The following DNAAF8 variants were observed in gnomAD, a reference collection of about 807,000 sequenced individuals.
DNAAF8 encodes the protein dynein axonemal-associated protein 1.
In DNAAF8, 61 loss-of-function variants were observed where a neutral mutation model predicts 54.6. The observed-to-expected ratio is 1.12, with a 90% confidence interval of 0.91 to 1.38. The LOEUF is 1.38. DNAAF8 is among the 40% of genes most tolerant of loss of function. DNAAF8 has a pLI of 0.00. For synonymous variants in DNAAF8, 320 were observed against 270.1 expected (o/e 1.18, Z -1.81); for missense variants, 837 against 665.0 (o/e 1.26, Z -2.85).
At chr16:4,735,268 T>TTCC (rs1219079490) in intron 1 of DNAAF8, 1 of 152,204 alleles carries the variant, frequency 6.6e-6, no homozygotes, top group African/African-American at 2.4e-5. Context: ...AGAAATACTG[T>TTCC]GCCCTGAATT....
In DNAAF8 at chr16:4,746,941, C is replaced by G. The variant is rs139697621; in HGVS notation, c.1196C>G (p.Ser399Cys). Reference protein sequence around the residue: ...HLSPESSSHSSSDSEEEEEEE... With the variant: ...HLSPESSSHSCSDSEEEEEEE... ...TCTCCCTGCAGCTCCAGCCACAGCT[C>G]CTCTGACAGTGAGGAGGAGGAGGAG... Residue 399 changes from serine to cysteine, a missense_variant, in exon 8 of 10, where the codon TCC becomes TGC. Coordinates refer to ENST00000299320, the MANE Select transcript of DNAAF8 (RefSeq NM_139170.3). The G allele has an allele frequency of 1.4e-5, 22 of 1,561,868 alleles. No homozygotes were observed. The highest frequency in any genetic ancestry group is 1.9e-5 in the Non-Finnish European group (22 of 1,157,216).
chr16:4,746,670 G>C (rs551371243), intron 7 of DNAAF8, 158 bp downstream of exon 7: 4 of 1,081,452 alleles, frequency 3.7e-6, no homozygotes, highest in Non-Finnish European at 5.2e-6. Context: ...GTCCCCCTGG[G>C]TCCCTGCAGG....
intron 3 of DNAAF8, 125 bp downstream of exon 3, chr16:4,738,071 T>G: frequency 1.6e-6 from 2 of 1,235,328 alleles, no homozygotes; most frequent in South Asian, 1.6e-5. Flanking sequence ...TTTTCCCCCA[T>G]GTACAACCCA....
Position 4,744,453 on chromosome 16 carries a change from G to A in DNAAF8, c.902-417G>A, listed in dbSNP as rs116592605. 3.3e-3 allele frequency among the ~76,000 whole-genome samples: 503 copies of A among 152,120 alleles called. 2 individuals are homozygous for A. Among genetic ancestry groups the A allele is most frequent in the African/African-American group, 0.012 (481 of 41,494 alleles). ...ACTGCGGCTCGATGAGGGGATCTCC[G>A]TAGGTTAACGTGGAAGCATGTAATA... On this transcript the variant is annotated intron_variant, in intron 5 of 9. Coordinates refer to ENST00000299320, the MANE Select transcript of DNAAF8 (RefSeq NM_139170.3).
chr16:4,740,366 C>A lies in DNAAF8; in HGVS notation c.490C>A (p.Pro164Thr). ...LSFNTKGSQG[P>T]PWDPQAEATL... is the part of the protein sequence containing the mutation. ...TTTCAACACCAAAGGATCCCAGGGT[C>A]CTCCCTGGGACCCACAGGCCGAAGC... The change falls in exon 4 of 10, where the codon CCT becomes ACT. Residue 164 changes from proline to threonine, a missense_variant. Physicochemically the swap from Pro to Thr is conservative, Grantham distance 38. Transcript: ENST00000299320. 6.2e-7 allele frequency: 1 copy of A among 1,613,624 alleles called. No individual in the cohort carries two copies. The highest frequency in any genetic ancestry group is 8.5e-7 in the Non-Finnish European group (1 of 1,179,760).
At chr16:4,737,417 G>C (rs2081911506) in intron 2 of DNAAF8, among the ~76,000 whole-genome samples, 1 of 152,208 alleles carries the variant, frequency 6.6e-6, no homozygotes, top group African/African-American at 2.4e-5. Flanking sequence ...AGCTGTGTAA[G>C]TGATGGCTCA....
intron 5 of DNAAF8, 165 bp downstream of exon 5, chr16:4,743,325 C>T: frequency 1.8e-6 from 1 of 560,440 alleles, no homozygotes; most frequent in South Asian, 2.4e-5. Flanking sequence ...CCCCAAAAGA[C>T]TTCATTCATT....
Position 4,736,473 on chromosome 16 carries a change from G to C in DNAAF8, c.-42G>C. 1 of 1,478,274 alleles carries C rather than the reference G, an allele frequency of 6.8e-7. No individual in the cohort carries two copies. The highest frequency in any genetic ancestry group is 9.1e-7 in the Non-Finnish European group (1 of 1,103,336). The allele number at this position is 1,478,274 out of a possible 1,614,324, so 91.6% of individuals were successfully genotyped here. On this transcript the variant is annotated 5_prime_UTR_variant, in exon 2 of 10. Coordinates refer to ENST00000299320, the MANE Select transcript of DNAAF8 (RefSeq NM_139170.3). ...CCTGTGTACCCCACAGAGCTCCCCG[G>C]ATTATGGTGCACTGAGAAGGCATCT...
chr16:4,740,326 C>T lies in DNAAF8; in HGVS notation c.450C>T (p.Asp150=). The T allele has an allele frequency of 6.2e-7, 1 of 1,613,946 alleles. No individual in the cohort carries two copies. Among genetic ancestry groups the T allele is most frequent in the Non-Finnish European group, 8.5e-7 (1 of 1,179,976 alleles). ...AEEPPRWLEG[D]LGSLSFNTKG... ...AGCCCCCCAGGTGGCTGGAAGGCGA[C>T]CTTGGAAGCCTGTCTTTCAACACCA... Residue 150 remains aspartate, a synonymous_variant, in exon 4 of 10, where the codon GAC becomes GAT. Coordinates refer to ENST00000299320, the MANE Select transcript of DNAAF8 (RefSeq NM_139170.3).
chr16:4,740,013 C>G, intron 3 of DNAAF8, 140 bp from the exon 4 acceptor site: 1 of 1,043,166 alleles, frequency 9.6e-7, no homozygotes, highest in Non-Finnish European at 1.4e-6. Context: ...GAGCTATGAT[C>G]GCACCACTGC....
Position 4,746,254 on chromosome 16 carries a change from T to C in DNAAF8, c.1044-121T>C, listed in dbSNP as rs2082016312. On this transcript the variant is annotated intron_variant, in intron 6 of 9. Coordinates refer to ENST00000299320, the MANE Select transcript of DNAAF8 (RefSeq NM_139170.3). The stretch of plus-strand genomic sequence containing the variant: ...AGAGCAAATGTGTTTAATGTGCCCG[T>C]CTGTAGAGAGTGGGCACTCACTGGG... 9 of 1,073,582 alleles carry C rather than the reference T, an allele frequency of 8.4e-6. No individual in the cohort carries two copies. The South Asian group carries it at 1.4e-4, about 16-fold the overall frequency. 66.5% of individuals were successfully genotyped at this position (1,073,582 alleles called of 1,614,324 possible).
At chr16:4,742,259 A>G (rs1336721776) in intron 4 of DNAAF8, among the ~76,000 whole-genome samples, 3 of 151,986 alleles carry the variant, frequency 2.0e-5, no homozygotes, top group Non-Finnish European at 4.4e-5. Context: ...GTTTCTGAAA[A>G]CAACACAGGG....
In DNAAF8 at chr16:4,747,548, A is replaced by C. The variant is rs372559816; in HGVS notation, c.1486A>C (p.Arg496=). The change falls in exon 9 of 10, where the codon AGG becomes CGG. Residue 496 remains arginine, a synonymous_variant. Transcript: ENST00000299320. ...QSAQARLPRG[R]PRALGDVPEP... ...CGCCCAGGCTCGACTCCCAAGAGGCAGGCCCAGAGCCCTGGGGGATGTTCC... is the reference window on the plus strand; with the variant it reads ...CGCCCAGGCTCGACTCCCAAGAGGCCGGCCCAGAGCCCTGGGGGATGTTCC... 10 of 1,612,506 alleles carry C rather than the reference A, an allele frequency of 6.2e-6. No individual in the cohort carries two copies. In the African/African-American group the frequency reaches 1.3e-4, roughly 22 times the overall value.
intron 5 of DNAAF8, 21 bp from the exon 6 acceptor site, chr16:4,744,849 C>T (rs1455389000): frequency 6.2e-7 from 1 of 1,606,412 alleles, no homozygotes; most frequent in Non-Finnish European, 8.5e-7. Context: ...ACTAATCAGC[C>T]TCTCCTTTGG....
chr16:4,739,265 G>GTTTTTTTTCTTTT (rs2081931735), intron 3 of DNAAF8, among the ~76,000 whole-genome samples: 1 of 69,030 alleles, frequency 1.4e-5, no homozygotes, highest in Non-Finnish European at 2.6e-5. Flanking sequence ...ATTTTTTCTT[G>GTTTTTTTTCTTTT]TTTTTTTTTT....
chr16:4,737,911 G>A lies in DNAAF8; in HGVS notation c.241G>A (p.Ala81Thr), dbSNP rs1485491955. Residue 81 changes from alanine to threonine, a missense_variant, in exon 3 of 10, where the codon GCC becomes ACC. By Grantham distance (58) the Ala-to-Thr change is moderately conservative. Coordinates refer to ENST00000299320, the MANE Select transcript of DNAAF8 (RefSeq NM_139170.3). The part of the protein sequence containing the change: ...EDPADGDKSR[A>T]WVAAAEESLP... ...TCCTGCCGATGGCGACAAGTCCAGG[G>A]CCTGGGTCGCTGCAGCTGAAGAGTC... is the stretch of plus-strand genomic sequence containing the variant. 7 of 1,614,110 alleles carry A rather than the reference G, an allele frequency of 4.3e-6. No homozygotes were observed. Among genetic ancestry groups the A allele is most frequent in the Middle Eastern group, 1.6e-4 (1 of 6,082 alleles).
intron 2 of DNAAF8, 70 bp from the exon 3 acceptor site, chr16:4,737,730 C>CG: frequency 6.5e-7 from 1 of 1,547,290 alleles, no homozygotes; most frequent in Non-Finnish European, 8.9e-7. Flanking sequence ...GAGTGGAGAG[C>CG]GGGGGTGGCT....
In DNAAF8 at chr16:4,747,470, G is replaced by A; in HGVS notation, c.1408G>A (p.Gly470Arg). 6.2e-7 allele frequency: 1 copy of A among 1,613,264 alleles called. No homozygotes were observed. Among genetic ancestry groups the A allele is most frequent in the South Asian group, 1.1e-5 (1 of 91,088 alleles). Residue 470 changes from glycine (G) to arginine (R), a missense_variant, in exon 9 of 10, where the codon GGA becomes AGA. By Grantham distance (125) the Gly-to-Arg change is moderately radical. Coordinates refer to ENST00000299320, the MANE Select transcript of DNAAF8 (RefSeq NM_139170.3). ...GRAQAPEDTA[G>R]SRTGRKQHMK... Reference sequence around the variant, plus strand: ...GGCTCAGGCCCCTGAAGACACAGCTGGATCACGAACTGGGAGGAAGCAACA... The same window carrying A: ...GGCTCAGGCCCCTGAAGACACAGCTAGATCACGAACTGGGAGGAAGCAACA...
Position 4,736,660 on chromosome 16 carries a change from T to G in DNAAF8, c.129+17T>G, listed in dbSNP as rs752711087. The stretch of plus-strand genomic sequence containing the variant: ...TCCCCTTTGGTAAGCAAGAACTCTC[T>G]CCCTGGATGCCTTGTCCTTCCTACC... On this transcript the variant is annotated intron_variant, in intron 2 of 9. Transcript: ENST00000299320. 2 of 1,541,302 alleles carry G rather than the reference T, an allele frequency of 1.3e-6. No homozygotes were observed. The highest frequency in any genetic ancestry group is 2.4e-5 in the South Asian group (2 of 83,272).
Sources: allele counts gnomAD v4.1 joint callset (sites outside exome capture counted in the v4.1 genomes callset), GRCh38; gene constraint gnomAD v4.1.1; transcripts MANE v1.5; gene names NCBI Gene and HGNC (gene_info 2026-07-23, HGNC 2026-07-21).